Variants in CCDC62 observed in about 807,000 individuals in gnomAD.
CCDC62 encodes the protein coiled-coil domain containing 62, also known as coiled-coil domain-containing protein 62.
CCDC62 carries 72 observed loss-of-function variants against 80.8 expected under a neutral mutation model. The observed-to-expected ratio is 0.89, with a 90% CI of 0.74 to 1.08. The LOEUF is 1.08. Ranked by LOEUF, CCDC62 falls within the 50% of genes least tolerant of loss-of-function variation. The pLI is 0.00. For missense variants in CCDC62, 704 were observed against 809.4 expected, an observed-to-expected ratio of 0.87 and a Z score of 1.58; for synonymous variants, 286 against 296.5, an observed-to-expected ratio of 0.96 and a Z score of 0.36.
At chr12:122,810,723 A>G (rs1188831717) in intron 10 of CCDC62, among the ~76,000 whole-genome samples, 1 of 152,198 alleles carries the variant, frequency 6.6e-6, no homozygotes, top group African/African-American at 2.4e-5. Context: ...GTGCACACGT[A>G]TGTTTATTGT....
chr12:122,790,582 A>G lies in CCDC62; in HGVS notation c.671-1438A>G, dbSNP rs182553714. 2.6e-5 allele frequency among the ~76,000 whole-genome samples: 4 copies of G among 152,260 alleles called. No individual in the cohort carries two copies. The East Asian group carries it at 7.7e-4, about 29-fold the overall frequency. On this transcript the variant is annotated intron_variant, in intron 5 of 12. Coordinates refer to ENST00000253079, the MANE Select transcript of CCDC62 (RefSeq NM_201435.5). ...CAAAGTGAAAGGATTTCTTGATCCC[A>G]GGAGGTGGAGGTTGCAGTGAGCCAA...
rs2032490520 is a variant in CCDC62, at chr12:122,823,402, A to G, written c.2038A>G (p.Thr680Ala). Residue 680 changes from threonine (T) to alanine (A), a missense_variant, in exon 12 of 13, where the codon ACC becomes GCC. By Grantham distance (58) the Thr-to-Ala change is moderately conservative (BLOSUM62 0). Coordinates refer to ENST00000253079, the MANE Select transcript of CCDC62 (RefSeq NM_201435.5). ...CCCAGAAGAGTCAGCTCAAAAAAAT[A>G]CCTTTGTCAGTTATTGAAGGAAACA... is the stretch of plus-strand genomic sequence containing the variant. ...EVPEESAQKN[T>A]FVSY The G allele has an allele frequency of 6.2e-7, 1 of 1,613,302 alleles. No individual in the cohort carries two copies. The highest frequency in any genetic ancestry group is 1.1e-5 in the South Asian group (1 of 91,060).
At position 122,791,115 on chromosome 12, in the gene CCDC62, C is replaced by T. The variant is rs371167827; in HGVS notation, c.671-905C>T. ...CAAGGCTTCTCACTGAGAAATGACA[C>T]GAGCAGATTTTTATTTTTAGTTTTA... is the stretch of plus-strand genomic sequence containing the variant. On this transcript the variant is annotated intron_variant, in intron 5 of 12. Transcript: ENST00000253079. 2.0e-4 allele frequency among the ~76,000 whole-genome samples: 30 copies of T among 152,160 alleles called. No individual in the cohort carries two copies. In the South Asian group the frequency reaches 4.6e-3, roughly 23 times the overall value.
chr12:122,775,332 T>C (rs1381576150), intron 1 of CCDC62, among the ~76,000 whole-genome samples: 2 of 151,912 alleles, frequency 1.3e-5, no homozygotes, highest in East Asian at 3.8e-4. Context: ...ACAACTCCAC[T>C]GTACCAAAAA....
At position 122,781,204 on chromosome 12, in the gene CCDC62, G is replaced by C; in HGVS notation, c.270G>C (p.Thr90=). The change falls in exon 3 of 13, where the codon ACG becomes ACC. Residue 90 remains threonine, a synonymous_variant. Coordinates refer to ENST00000253079, the MANE Select transcript of CCDC62 (RefSeq NM_201435.5). ...GAACTGAAATAATCAGGTCACTCAC[G>C]AAGAAGGTAAAAGCTCTTGAATCCA... The part of the protein sequence containing the change: ...HKRTEIIRSL[T]KKVKALESNQ... 1 of 1,613,984 alleles carries C rather than the reference G, an allele frequency of 6.2e-7. No individual in the cohort carries two copies. Among genetic ancestry groups the C allele is most frequent in the Non-Finnish European group, 8.5e-7 (1 of 1,179,932 alleles).
chr12:122,791,680 C>T (rs905673312), intron 5 of CCDC62, among the ~76,000 whole-genome samples: 1 of 152,190 alleles, frequency 6.6e-6, no homozygotes, highest in African/African-American at 2.4e-5. Flanking sequence ...AACTCCTGGC[C>T]TCAAGTGGTT....
At position 122,797,360 on chromosome 12, in the gene CCDC62, G is replaced by T. The variant is rs749590258; in HGVS notation, c.826G>T (p.Glu276Ter). The T allele has an allele frequency of 1.9e-6, 3 of 1,601,426 alleles. No individual in the cohort carries two copies. The highest frequency in any genetic ancestry group is 1.7e-6 in the Non-Finnish European group (2 of 1,168,882). The stretch of plus-strand genomic sequence containing the variant: ...GCTTAATATTGCGAAGTCAAAGCAA[G>T]AACGCACAAATTCAGAACTGCACAA... ...ELLNIAKSKQ[E>*]RTNSELHNLR... Residue 276 changes from glutamate (E) to a stop codon, truncating the protein, a stop_gained, in exon 7 of 13, where the codon GAA (glutamate) becomes TAA (stop). Coordinates refer to ENST00000253079, the MANE Select transcript of CCDC62 (RefSeq NM_201435.5). LOFTEE classifies it high-confidence loss of function.
intron 4 of CCDC62, among the ~76,000 whole-genome samples, chr12:122,788,387 A>T (rs2030397252): frequency 6.6e-6 from 1 of 152,122 alleles, no homozygotes; most frequent in African/African-American, 2.4e-5. Context: ...TCCAGGGGCC[A>T]CCCACCCTCT....
intron 11 of CCDC62, among the ~76,000 whole-genome samples, chr12:122,814,043 A>T (rs1305072708): frequency 1.3e-5 from 2 of 151,152 alleles, no homozygotes; most frequent in Non-Finnish European, 2.9e-5. Flanking sequence ...GCACTTTGGG[A>T]GGCCGAGGCG....
At chr12:122,806,404 GTT>G (rs34775544) in intron 10 of CCDC62, 109 bp downstream of exon 10, 251,664 of 437,278 alleles carry the variant, frequency 0.58, 49,592 homozygotes, top group Admixed American at 0.68. Context: ...CTATTCCTCC[GTT>G]TTTTTTTTTT....
intron 11 of CCDC62, among the ~76,000 whole-genome samples, chr12:122,814,696 CG>C (rs1191678860): frequency 2.0e-5 from 3 of 151,928 alleles, no homozygotes; most frequent in Non-Finnish European, 4.4e-5. Context: ...TTATTAGAGA[CG>C]GGGTTTCACC....
Position 122,806,205 on chromosome 12 carries a change from G to A in CCDC62, c.1761G>A (p.Leu587=). The change falls in exon 10 of 13, where the codon TTG becomes TTA. Residue 587 remains leucine (L), a synonymous_variant. Transcript: ENST00000253079. ...SHSLGSSKSA[L]REDETESSSN... ...CTTTGGGTTCTTCAAAATCTGCCTT[G>A]AGAGAAGATGAGACGGAGTCCTCTT... is the stretch of plus-strand genomic sequence containing the variant. 10 of 1,613,780 alleles carry A rather than the reference G, an allele frequency of 6.2e-6. No homozygotes were observed. The highest frequency in any genetic ancestry group is 7.6e-6 in the Non-Finnish European group (9 of 1,179,808).
intron 8 of CCDC62, among the ~76,000 whole-genome samples, chr12:122,800,592 T>C (rs2031242827): frequency 6.6e-6 from 1 of 151,962 alleles, no homozygotes; most frequent in South Asian, 2.1e-4. Context: ...CACGCCCGGC[T>C]AATTTTTGTA....
intron 10 of CCDC62, among the ~76,000 whole-genome samples, chr12:122,812,777 G>GAGAGAGAGAGAGAAAGGAA (rs750420995): frequency 1.7e-5 from 1 of 57,760 alleles, no homozygotes; most frequent in African/African-American, 7.8e-5. Flanking sequence ...GAGAGAGAGA[G>GAGAGAGAGAGAGAAAGGAA]AGAAAGAAAG....
At position 122,801,003 on chromosome 12, in the gene CCDC62, C is replaced by T. The variant is rs1012846115; in HGVS notation, c.978-121C>T. 18 of 1,064,594 alleles carry T rather than the reference C, an allele frequency of 1.7e-5. 1 individual carries two copies. The Middle Eastern group carries it at 4.7e-3, about 281-fold the overall frequency. The allele number at this position is 1,064,594 out of a possible 1,614,324, so 65.9% of individuals were successfully genotyped here. ...GAGAAGGTCGGGCTGGAATTGGGCT[C>T]TGAGGTTCAGACAAACGAGTCTCAT... On this transcript the variant is annotated intron_variant, in intron 8 of 12. Transcript: ENST00000253079.
At chr12:122,780,976 C>T (rs1039432269) in intron 2 of CCDC62, among the ~76,000 whole-genome samples, 188 bp from the exon 3 acceptor site, 1 of 152,202 alleles carries the variant, frequency 6.6e-6, no homozygotes, top group Non-Finnish European at 1.5e-5. Flanking sequence ...CCTCCAGAGG[C>T]TTCCAATTGC....
intron 10 of CCDC62, among the ~76,000 whole-genome samples, chr12:122,811,210 C>CTTTTTTTTTTTTTTTT (rs34599465): frequency 8.3e-6 from 1 of 120,092 alleles, no homozygotes; most frequent in Non-Finnish European, 1.6e-5. Flanking sequence ...ATTAAGTTTC[C>CTTTTTTTTTTTTTTTT]TTTTTTTTTT....
intron 7 of CCDC62, 45 bp from the exon 8 acceptor site, chr12:122,798,040 G>C: frequency 2.0e-6 from 2 of 980,714 alleles, no homozygotes; most frequent in Non-Finnish European, 3.2e-6. Flanking sequence ...GTTCAGTTTA[G>C]TTTTGTTATT....
In CCDC62 at chr12:122,823,356, T is replaced by G. The variant is rs781090199; in HGVS notation, c.2002-10T>G. On this transcript the variant is annotated splice_polypyrimidine_tract_variant and intron_variant, in intron 11 of 12. Transcript: ENST00000253079. ...CTATCCTGAATACTAATCTGGGAGT[T>G]GTTTTCTAGAAGTCAGAGGTCCCAG... 6.2e-7 allele frequency: 1 copy of G among 1,607,952 alleles called. No homozygotes were observed. The highest frequency in any genetic ancestry group is 8.5e-7 in the Non-Finnish European group (1 of 1,174,610).
Sources: allele counts gnomAD v4.1 joint callset (sites outside exome capture counted in the v4.1 genomes callset), GRCh38; gene constraint gnomAD v4.1.1; transcripts MANE v1.5; gene names NCBI Gene and HGNC (gene_info 2026-07-23, HGNC 2026-07-21).